Variants in CANX observed in about 807,000 individuals in gnomAD.
CANX encodes the protein epididymis secretory sperm binding protein.
A neutral mutation model predicts 75.7 loss-of-function variants in CANX; 14 were observed. The observed-to-expected ratio is 0.19, with a 90% CI of 0.12 to 0.29. CANX has a LOEUF of 0.29. Among genes scored for constraint, CANX ranks in the 10% least tolerant of loss-of-function variants. The pLI, the probability that CANX is intolerant of heterozygous loss-of-function variation, is 1.00. For missense variants in CANX, 567 were observed against 713.2 expected, an observed-to-expected ratio of 0.79 and a Z score of 2.34; for synonymous variants, 227 against 236.9, an observed-to-expected ratio of 0.96 and a Z score of 0.38.
At chr5:179,714,578 T>C (rs1777800106) in intron 7 of CANX, among the ~76,000 whole-genome samples, 1 of 151,664 alleles carries the variant, frequency 6.6e-6, no homozygotes, top group African/African-American at 2.4e-5. Flanking sequence ...AGTGCAGTGG[T>C]GCGATCTCCG....
At chr5:179,684,529 A>G (rs2113031690) in intron 1 of CANX, among the ~76,000 whole-genome samples, 1 of 149,936 alleles carries the variant, frequency 6.7e-6, no homozygotes, top group African/African-American at 2.5e-5. Context: ...TTTAGTAGAG[A>G]CGGGGTTTCA....
At chr5:179,707,278 A>G in intron 4 of CANX, 88 bp downstream of exon 4, 1 of 823,882 alleles carries the variant, frequency 1.2e-6, no homozygotes, top group East Asian at 2.5e-5. Flanking sequence ...GTTTAAAAGG[A>G]CATAGTAGGC....
chr5:179,723,602 C>T lies in CANX; in HGVS notation c.1399-58C>T, dbSNP rs1159917306. 18 of 1,584,578 alleles carry T rather than the reference C, an allele frequency of 1.1e-5. No individual in the cohort carries two copies. The Middle Eastern group carries it at 8.4e-4, about 74-fold the overall frequency. On this transcript the variant is annotated intron_variant, in intron 11 of 14. Coordinates refer to ENST00000247461, the MANE Select transcript of CANX (RefSeq NM_001746.4). ...ATAACTGAACTGCAGAAAAACAGCA[C>T]GGCCTATGTTTGGTGTCAAAAGCTG...
At chr5:179,684,112 A>G (rs1776139013) in intron 1 of CANX, among the ~76,000 whole-genome samples, 1 of 152,206 alleles carries the variant, frequency 6.6e-6, no homozygotes, top group East Asian at 1.9e-4. Flanking sequence ...TAGGAATAGA[A>G]TGACTGTGTC....
chr5:179,720,347 T>A (rs1778230622), intron 9 of CANX, 57 bp from the exon 10 acceptor site: 12 of 1,424,158 alleles, frequency 8.4e-6, no homozygotes, highest in Non-Finnish European at 1.2e-5. Context: ...GCCAGCCAGC[T>A]GTTCATAGTC....
At chr5:179,707,710 G>T (rs1216522614) in intron 4 of CANX, among the ~76,000 whole-genome samples, 12 of 148,832 alleles carry the variant, frequency 8.1e-5, no homozygotes, top group African/African-American at 2.7e-4. Context: ...TATTTAATAG[G>T]ATTAGATCTG....
upstream of CANX, among the ~76,000 whole-genome samples, chr5:179,696,225 T>A (rs1776399722): frequency 6.6e-6 from 1 of 151,782 alleles, no homozygotes; most frequent in Non-Finnish European, 1.5e-5. Context: ...GCCTGATTCT[T>A]TGTTGAAAAA....
At chr5:179,698,425 C>T, upstream of CANX, 2 of 1,279,974 alleles carry the variant, frequency 1.6e-6, no homozygotes, top group Non-Finnish European at 2.0e-6. Flanking sequence ...GCAGTGCACG[C>T]CAATCCGGCC....
At chr5:179,709,363 G>A (rs570850611) in intron 6 of CANX, among the ~76,000 whole-genome samples, 87 of 151,660 alleles carry the variant, frequency 5.7e-4, no homozygotes, top group Non-Finnish European at 1.1e-3. Flanking sequence ...GCAGTGAGCC[G>A]AGATTGCGCC....
upstream of CANX, among the ~76,000 whole-genome samples, chr5:179,693,945 G>A (rs1158772688): frequency 6.6e-6 from 1 of 151,906 alleles, no homozygotes; most frequent in Non-Finnish European, 1.5e-5. Flanking sequence ...CATGAGTATA[G>A]AGAAACTTTA....
At chr5:179,709,466 C>G in intron 6 of CANX, among the ~76,000 whole-genome samples, 1 of 152,028 alleles carries the variant, frequency 6.6e-6, no homozygotes, top group East Asian at 1.9e-4. Context: ...AGGCTTCCTC[C>G]CCTGCTGTTT....
intron 1 of CANX, among the ~76,000 whole-genome samples, chr5:179,685,624 G>A (rs891830823): frequency 7.2e-5 from 10 of 139,796 alleles, no homozygotes; most frequent in African/African-American, 2.4e-4. Flanking sequence ...GCGTGATCTC[G>A]GCTCACTGAA....
chr5:179,728,081 G>GT (rs1203529986), intron 14 of CANX, among the ~76,000 whole-genome samples: 2 of 152,182 alleles, frequency 1.3e-5, no homozygotes, highest in Non-Finnish European at 2.9e-5. Context: ...TAGAGACCAT[G>GT]TTTCCCCCAA....
chr5:179,681,261 G>T (rs2127761587), intron 1 of CANX, among the ~76,000 whole-genome samples: 1 of 152,284 alleles, frequency 6.6e-6, no homozygotes, highest in East Asian at 1.9e-4. Context: ...TTCTTGGCAG[G>T]GGAATGAAGG....
At chr5:179,706,418 T>C (rs1454464450) in intron 3 of CANX, 87 bp downstream of exon 3, 2 of 646,946 alleles carry the variant, frequency 3.1e-6, no homozygotes, top group African/African-American at 3.8e-5. Context: ...GCATCTTTTA[T>C]AGTGAAATGT....
intron 1 of CANX, among the ~76,000 whole-genome samples, chr5:179,686,248 C>G (rs1049017528): frequency 3.1e-5 from 4 of 128,550 alleles, no homozygotes; most frequent in African/African-American, 1.1e-4. Flanking sequence ...CAGGCACGCG[C>G]CACCACACCC....
intron 7 of CANX, among the ~76,000 whole-genome samples, chr5:179,715,495 A>T (rs541227328): frequency 4.6e-5 from 7 of 152,292 alleles, no homozygotes; most frequent in African/African-American, 1.4e-4. Flanking sequence ...CCGAGATCAC[A>T]CCACTGCACT....
chr5:179,727,168 T>C (rs895022169), intron 14 of CANX, among the ~76,000 whole-genome samples: 1 of 152,230 alleles, frequency 6.6e-6, no homozygotes, highest in South Asian at 2.1e-4. Flanking sequence ...TAACTGACAT[T>C]TGTTGAGTGC....
rs1343447085 is a variant in CANX at position 179,730,613 on chromosome 5, T to C, written c.*1969T>C. On this transcript the variant is annotated 3_prime_UTR_variant, in exon 15 of 15. Coordinates refer to ENST00000247461, the MANE Select transcript of CANX (RefSeq NM_001746.4). Reference sequence around the variant, plus strand: ...AGAGCTTAAATTGTCAGATCGTTCATTGCCTTTCCAGGGTTATTTAGTAAA... The same window carrying C: ...AGAGCTTAAATTGTCAGATCGTTCACTGCCTTTCCAGGGTTATTTAGTAAA... The C allele has an allele frequency of 6.6e-6, 1 of 152,228 alleles. No individual in the cohort carries two copies. The highest frequency in any genetic ancestry group is 1.9e-4 in the East Asian group (1 of 5,200). 9.4% of individuals were successfully genotyped at this position (152,228 alleles called of 1,614,324 possible).
Sources: gnomAD v4.1 joint callset for allele counts (sites outside exome capture counted in the v4.1 genomes callset) on GRCh38, gnomAD v4.1.1 for gene constraint, MANE v1.5 for transcripts, NCBI Gene and HGNC (gene_info 2026-07-23, HGNC 2026-07-21) for gene names.